Variants in HCN1 observed in about 807,000 individuals in gnomAD.
HCN1 encodes the protein hyperpolarization activated cyclic nucleotide gated potassium channel 1.
A neutral mutation model predicts 78.9 loss-of-function variants in HCN1; 13 were observed. That is an observed-to-expected ratio of 0.16 (90% CI 0.11 to 0.26). The LOEUF (loss-of-function observed/expected upper bound fraction) is 0.26. HCN1 is among the 10% of genes least tolerant of loss of function. HCN1 has a pLI of 1.00. For synonymous variants in HCN1, 552 were observed against 455.5 expected (o/e 1.21, Z -2.70); for missense variants, 810 against 1,154.3 (o/e 0.70, Z 4.32).
chr5:45,373,110 A>T (rs1747461730), intron 4 of HCN1, among the ~76,000 whole-genome samples: 1 of 131,544 alleles, frequency 7.6e-6, no homozygotes, highest in South Asian at 2.2e-4. Context: ...TAAAATACAT[A>T]TAGTATATCA....
chr5:45,473,129 T>A (rs1037641813), intron 2 of HCN1, among the ~76,000 whole-genome samples: 1 of 151,986 alleles, frequency 6.6e-6, no homozygotes, highest in East Asian at 1.9e-4. Flanking sequence ...CAGTATCTTA[T>A]CAAAATTTTC....
At position 45,261,331 on chromosome 5, in the gene HCN1, C is replaced by G. The variant is rs1308401839; in HGVS notation, c.*590G>C. On this transcript the variant is annotated 3_prime_UTR_variant, in exon 8 of 8. Transcript: ENST00000303230. ...TGAGGTTAGTGATATTCTTAACAAA[C>G]AGTGGCAATGCTAGTCTCCTACGGT... The G allele has an allele frequency of 6.6e-6, 1 of 152,648 alleles. No homozygotes were observed. Among genetic ancestry groups the G allele is most frequent in the Non-Finnish European group, 1.5e-5 (1 of 68,170 alleles). The allele number at this position is 152,648 out of a possible 1,614,324, so 9.5% of individuals were successfully genotyped here. A position where few individuals can be genotyped will look rare whatever the true frequency, so the allele number is the denominator to read the frequency against.
intron 1 of HCN1, among the ~76,000 whole-genome samples, chr5:45,690,386 G>T (rs907929120): frequency 6.6e-6 from 1 of 151,896 alleles, no homozygotes; most frequent in African/African-American, 2.4e-5. Flanking sequence ...ATCAAAGTTG[G>T]GTGAAATGTG....
At chr5:45,445,650 A>C (rs1052145667) in intron 3 of HCN1, among the ~76,000 whole-genome samples, 3 of 152,178 alleles carry the variant, frequency 2.0e-5, no homozygotes, top group Non-Finnish European at 2.9e-5. Context: ...GTAGGGGCAG[A>C]CTGACACCTC....
At chr5:45,307,417 T>C (rs979855704) in intron 5 of HCN1, among the ~76,000 whole-genome samples, 6 of 152,016 alleles carry the variant, frequency 3.9e-5, no homozygotes, top group African/African-American at 9.7e-5. Flanking sequence ...AACTTTCCAA[T>C]AGAGAAACAT....
At chr5:45,303,193 G>C (rs1432107357) in intron 6 of HCN1, among the ~76,000 whole-genome samples, 5 of 152,066 alleles carry the variant, frequency 3.3e-5, no homozygotes, top group Non-Finnish European at 1.5e-5. Context: ...GAAGCTGTTA[G>C]TTTTTCATTT....
At chr5:45,351,008 A>C (rs1411898604) in intron 5 of HCN1, among the ~76,000 whole-genome samples, 1 of 152,194 alleles carries the variant, frequency 6.6e-6, no homozygotes, top group Non-Finnish European at 1.5e-5. Flanking sequence ...CTGTCTTCAC[A>C]GAATTGGAAA....
At chr5:45,606,010 A>AT (rs1561217671) in intron 2 of HCN1, among the ~76,000 whole-genome samples, 1 of 151,950 alleles carries the variant, frequency 6.6e-6, no homozygotes, top group African/African-American at 2.4e-5. Context: ...ACATCCTTTA[A>AT]TTTTTTAACA....
At chr5:45,496,279 G>C (rs1258634776) in intron 2 of HCN1, among the ~76,000 whole-genome samples, 1 of 150,132 alleles carries the variant, frequency 6.7e-6, no homozygotes, top group Non-Finnish European at 1.5e-5. Flanking sequence ...CAATTTCAGA[G>C]CCTGTTATTG....
chr5:45,282,891 A>G (rs1437114932), intron 6 of HCN1, among the ~76,000 whole-genome samples: 1 of 152,190 alleles, frequency 6.6e-6, no homozygotes, highest in African/African-American at 2.4e-5. Flanking sequence ...TTTAAATAAA[A>G]TATTAGTTGA....
intron 5 of HCN1, among the ~76,000 whole-genome samples, chr5:45,327,746 C>T (rs1377708287): frequency 6.6e-6 from 1 of 151,540 alleles, no homozygotes; most frequent in Non-Finnish European, 1.5e-5. Flanking sequence ...GACTGGCTGA[C>T]TGGCGTCCTT....
At chr5:45,465,611 C>T (rs1247042213) in intron 2 of HCN1, among the ~76,000 whole-genome samples, 6 of 151,850 alleles carry the variant, frequency 4.0e-5, no homozygotes, top group East Asian at 1.9e-4. Flanking sequence ...AAAAATTACC[C>T]GGGCGTGGCG....
At chr5:45,275,313 A>C (rs1745034648) in intron 6 of HCN1, among the ~76,000 whole-genome samples, 1 of 152,126 alleles carries the variant, frequency 6.6e-6, no homozygotes, top group African/African-American at 2.4e-5. Flanking sequence ...CAGATTAAAA[A>C]TATTCTTCAT....
chr5:45,605,655 G>T (rs1355562311), intron 2 of HCN1, among the ~76,000 whole-genome samples: 1 of 151,940 alleles, frequency 6.6e-6, no homozygotes, highest in African/African-American at 2.4e-5. Flanking sequence ...GAGACTGGAA[G>T]AATGTAGATA....
At chr5:45,398,585 A>T (rs548420413) in intron 3 of HCN1, among the ~76,000 whole-genome samples, 4 of 152,304 alleles carry the variant, frequency 2.6e-5, no homozygotes, top group Non-Finnish European at 5.9e-5. Context: ...TTAAATTTAA[A>T]TGTATGCAAG....
At chr5:45,386,203 C>A (rs752794276) in intron 4 of HCN1, among the ~76,000 whole-genome samples, 1 of 142,568 alleles carries the variant, frequency 7.0e-6, no homozygotes, top group African/African-American at 2.6e-5. Context: ...TTGGACAGGG[C>A]CTTGCTGTGT....
intron 2 of HCN1, among the ~76,000 whole-genome samples, chr5:45,574,227 TGCA>T (rs1743892481): frequency 6.6e-6 from 1 of 152,188 alleles, no homozygotes; most frequent in Admixed American, 6.6e-5. Context: ...TTTGCAACTC[TGCA>T]TCAACCAAGT....
At chr5:45,625,950 C>T (rs996271046) in intron 2 of HCN1, among the ~76,000 whole-genome samples, 2 of 152,094 alleles carry the variant, frequency 1.3e-5, no homozygotes, top group Non-Finnish European at 2.9e-5. Flanking sequence ...ACAGGCAAAA[C>T]TTTTGTGCTC....
chr5:45,357,221 A>G (rs1290133759), intron 4 of HCN1, among the ~76,000 whole-genome samples: 1 of 152,038 alleles, frequency 6.6e-6, no homozygotes, highest in African/African-American at 2.4e-5. Flanking sequence ...GAAAGATTGT[A>G]TGTTTTCTGA....
Sources: gnomAD v4.1 joint callset for allele counts (sites outside exome capture counted in the v4.1 genomes callset) on GRCh38, gnomAD v4.1.1 for gene constraint, MANE v1.5 for transcripts, NCBI Gene and HGNC (gene_info 2026-07-23, HGNC 2026-07-21) for gene names.